KALRN: variants seen among roughly 807,000 people sequenced by gnomAD.
KALRN encodes the protein kalirin RhoGEF kinase, also known as kalirin.
Under a neutral mutation model 353.7 loss-of-function variants are expected in KALRN, and 70 were observed. The observed-to-expected ratio is 0.20, with a 90% CI of 0.16 to 0.24. KALRN has a LOEUF of 0.24. Among genes scored for constraint, KALRN ranks in the 10% least tolerant of loss-of-function variants. KALRN has a pLI of 1.00. For synonymous variants in KALRN, 1,391 were observed against 1,434.8 expected (o/e 0.97, Z 0.69); for missense variants, 2,791 against 3,756.7 (o/e 0.74, Z 6.72).
intron 14 of KALRN, among the ~76,000 whole-genome samples, chr3:124,417,695 G>A (rs899950728): frequency 2.6e-5 from 4 of 152,160 alleles, no homozygotes; most frequent in South Asian, 2.1e-4. Context: ...TTGAAATCCC[G>A]GCCACATGTC....
chr3:124,234,767 C>A, intron 2 of KALRN, 62 bp from the exon 3 acceptor site: 1 of 1,293,816 alleles, frequency 7.7e-7, no homozygotes, highest in Non-Finnish European at 1.1e-6. Context: ...ATTTCTTTTT[C>A]CTCTGTGGCT....
At chr3:124,373,764 A>T (rs1194748289) in intron 10 of KALRN, among the ~76,000 whole-genome samples, 1 of 152,114 alleles carries the variant, frequency 6.6e-6, no homozygotes, top group Non-Finnish European at 1.5e-5. Flanking sequence ...TTTCGGTATG[A>T]TCTCATCTTA....
intron 3 of KALRN, among the ~76,000 whole-genome samples, chr3:124,243,124 T>C (rs1284400039): frequency 1.3e-5 from 2 of 152,228 alleles, no homozygotes; most frequent in Admixed American, 1.3e-4. Context: ...TCTGTTTCTA[T>C]ATTGGCATTG....
At chr3:124,702,196 ATTGT>A (rs2062373679) in intron 57 of KALRN, 80 bp downstream of exon 57, 1 of 845,550 alleles carries the variant, frequency 1.2e-6, no homozygotes, top group Admixed American at 2.1e-5. Flanking sequence ...TGTTGTTGTC[ATTGT>A]TTATTTCTTT....
intron 48 of KALRN, among the ~76,000 whole-genome samples, chr3:124,672,699 C>T (rs1239107526): frequency 3.9e-5 from 6 of 152,160 alleles, no homozygotes; most frequent in Admixed American, 2.6e-4. Flanking sequence ...CTATTTTGCC[C>T]CTACAAGGTA....
chr3:124,398,168 C>G (rs2090396621), intron 12 of KALRN, among the ~76,000 whole-genome samples: 1 of 152,190 alleles, frequency 6.6e-6, no homozygotes, highest in African/African-American at 2.4e-5. Context: ...CAGCCCATAA[C>G]TTTAGCATAG....
intron 34 of KALRN, among the ~76,000 whole-genome samples, chr3:124,627,115 T>C (rs2080050526): frequency 1.3e-5 from 2 of 152,226 alleles, no homozygotes; most frequent in South Asian, 4.1e-4. Flanking sequence ...GAGCATAACA[T>C]GCCAATCCCT....
chr3:124,146,977 A>C (rs1033157376), intron 1 of KALRN, among the ~76,000 whole-genome samples: 3 of 151,940 alleles, frequency 2.0e-5, no homozygotes, highest in African/African-American at 7.2e-5. Flanking sequence ...AACAACAAAT[A>C]TTTATTGAGT....
intron 28 of KALRN, among the ~76,000 whole-genome samples, chr3:124,484,666 C>T (rs546526281): frequency 1.3e-5 from 2 of 152,248 alleles, no homozygotes; most frequent in South Asian, 2.1e-4. Context: ...CTTTAGATGA[C>T]AGCTGCATAG....
At chr3:124,498,070 A>T (rs1196722396) in intron 33 of KALRN, among the ~76,000 whole-genome samples, 1 of 152,234 alleles carries the variant, frequency 6.6e-6, no homozygotes, top group Non-Finnish European at 1.5e-5. Flanking sequence ...AGAGAAACTA[A>T]GTGAGTCACC....
rs759346797 is a variant in KALRN, at chr3:124,413,536, G to A, written c.2413G>A (p.Asp805Asn). 4 of 1,614,008 alleles carry A rather than the reference G, an allele frequency of 2.5e-6. No homozygotes were observed. The highest frequency in any genetic ancestry group is 1.1e-5 in the South Asian group (1 of 91,068). The part of the protein sequence containing the change: ...LRQMNDFNTE[D>N]LTLAEQRLQR... ...GCAGATGAATGACTTCAACACAGAG[G>A]ACCTAACCCTGGCAGAACAGCGGCT... is the stretch of plus-strand genomic sequence containing the variant. Residue 805 changes from aspartate (D) to asparagine (N), a missense_variant, in exon 14 of 60, where the codon GAC becomes AAC. Coordinates refer to ENST00000682506, the MANE Select transcript of KALRN (RefSeq NM_001388419.1).
At chr3:124,471,437 C>T (rs991480708) in intron 25 of KALRN, among the ~76,000 whole-genome samples, 2 of 152,026 alleles carry the variant, frequency 1.3e-5, no homozygotes, top group Non-Finnish European at 2.9e-5. Flanking sequence ...AGGCGCCCAC[C>T]ACCACGCCTG....
intron 31 of KALRN, 45 bp from the exon 32 acceptor site, chr3:124,492,695 T>C: frequency 6.2e-7 from 1 of 1,600,006 alleles, no homozygotes; most frequent in Non-Finnish European, 8.5e-7. Context: ...TTTGGTAAGG[T>C]GATGGGAGTT....
At chr3:124,680,560 T>C (rs1302186049) in intron 51 of KALRN, among the ~76,000 whole-genome samples, 1 of 152,214 alleles carries the variant, frequency 6.6e-6, no homozygotes, top group Admixed American at 6.5e-5. Flanking sequence ...ATCCCAAACA[T>C]TTCACTTAAT....
At chr3:124,632,024 C>T (rs944270002) in intron 34 of KALRN, among the ~76,000 whole-genome samples, 1 of 152,234 alleles carries the variant, frequency 6.6e-6, no homozygotes, top group African/African-American at 2.4e-5. Context: ...ATCTGCACCC[C>T]CTTTTCCAAC....
intron 10 of KALRN, among the ~76,000 whole-genome samples, chr3:124,377,888 T>C (rs2086805531): frequency 6.6e-6 from 1 of 152,142 alleles, no homozygotes; most frequent in Non-Finnish European, 1.5e-5. Flanking sequence ...GCTAGTGTTA[T>C]CATGCTGTAT....
intron 1 of KALRN, among the ~76,000 whole-genome samples, chr3:124,055,068 TG>T: frequency 6.6e-6 from 1 of 152,354 alleles, no homozygotes; most frequent in African/African-American, 2.4e-5. Flanking sequence ...CTTCCGTGTC[TG>T]GTGTAACAGT....
intron 37 of KALRN, among the ~76,000 whole-genome samples, chr3:124,646,390 A>ATTTTTTTTTTTTTTTTT (rs1578623220): frequency 1.1e-5 from 1 of 94,666 alleles, no homozygotes; most frequent in Non-Finnish European, 2.1e-5. Context: ...TCTTTTGTTT[A>ATTTTTTTTTTTTTTTTT]CTTTTTTTTT....
At chr3:124,679,360 G>T (rs369683991) in intron 50 of KALRN, 98 bp from the exon 51 acceptor site, 8 of 1,009,256 alleles carry the variant, frequency 7.9e-6, no homozygotes, top group Middle Eastern at 4.3e-4. Context: ...AGATCCCATC[G>T]CCCATGCTTC....
Sources: allele counts gnomAD v4.1 joint callset (sites outside exome capture counted in the v4.1 genomes callset), GRCh38; gene constraint gnomAD v4.1.1; transcripts MANE v1.5; gene names NCBI Gene and HGNC (gene_info 2026-07-23, HGNC 2026-07-21).